PPP4R2: variants seen among roughly 807,000 people sequenced by gnomAD.
PPP4R2 encodes serine/threonine-protein phosphatase 4 regulatory subunit 2.
Under a neutral mutation model 47.2 loss-of-function variants are expected in PPP4R2, and 13 were observed. The observed-to-expected ratio is 0.28, with a 90% CI of 0.18 to 0.44. The LOEUF (loss-of-function observed/expected upper bound fraction) is 0.44. PPP4R2 is among the 20% of genes least tolerant of loss of function. PPP4R2 has a pLI of 1.00. For synonymous variants in PPP4R2, 151 were observed against 163.3 expected, an observed-to-expected ratio of 0.92 and a Z score of 0.57; for missense variants, 421 against 491.2, an observed-to-expected ratio of 0.86 and a Z score of 1.35.
Position 73,067,367 on chromosome 3 carries a change from C to T in PPP4R2, c.*1645C>T, listed in dbSNP as rs1215138583. The T allele has an allele frequency of 6.6e-6, 1 of 152,022 alleles. No homozygotes were observed. Among genetic ancestry groups the T allele is most frequent in the Non-Finnish European group, 1.5e-5 (1 of 67,954 alleles). 9.4% of individuals were successfully genotyped at this position (152,022 alleles called of 1,614,324 possible). ...AGTTTTGCGTTTTGACTACTTAAAT[C>T]ATCATGGCTATAAATACCAAAACGA... On this transcript the variant is annotated 3_prime_UTR_variant, in exon 9 of 9. Transcript: ENST00000356692.
intron 2 of PPP4R2, among the ~76,000 whole-genome samples, chr3:73,018,461 T>TTTATGTTAC: frequency 6.6e-6 from 1 of 151,158 alleles, no homozygotes; most frequent in Non-Finnish European, 1.5e-5. Context: ...ATTTATGTTA[T>TTTATGTTAC]GTTAGTATCC....
intron 5 of PPP4R2, chr3:73,062,517 A>T (rs754826647): frequency 6.2e-7 from 1 of 1,613,890 alleles, no homozygotes; most frequent in Non-Finnish European, 8.5e-7. Context: ...TGTTGGTGTG[A>T]GCAAGAGGTC....
chr3:73,065,869 T>A lies in PPP4R2; in HGVS notation c.*147T>A, dbSNP rs1053255179. The A allele has an allele frequency of 1.2e-5, 7 of 564,070 alleles. No individual in the cohort carries two copies. The highest frequency in any genetic ancestry group is 1.9e-5 in the Non-Finnish European group (6 of 323,182). 34.9% of individuals were successfully genotyped at this position (564,070 alleles called of 1,614,324 possible). On this transcript the variant is annotated 3_prime_UTR_variant, in exon 9 of 9. Coordinates refer to ENST00000356692, the MANE Select transcript of PPP4R2 (RefSeq NM_174907.4). ...ACTTTATGGATAATTCCTGAAAGAG[T>A]TGTACATGTAAGAACTGTGAATATC... is the stretch of plus-strand genomic sequence containing the variant.
chr3:73,042,176 T>G (rs145600353), intron 2 of PPP4R2, among the ~76,000 whole-genome samples: 283 of 152,260 alleles, frequency 1.9e-3, no homozygotes, highest in African/African-American at 6.2e-3. Flanking sequence ...TGTTCTGAAG[T>G]TGAAAATGTG....
chr3:73,013,056 C>G (rs1281596055), intron 2 of PPP4R2, among the ~76,000 whole-genome samples: 1 of 151,948 alleles, frequency 6.6e-6, no homozygotes, highest in East Asian at 1.9e-4. Flanking sequence ...CCTGCTTGTT[C>G]ATAGTAGAGA....
intron 3 of PPP4R2, among the ~76,000 whole-genome samples, chr3:73,052,040 A>G (rs1275312451): frequency 6.6e-6 from 1 of 152,190 alleles, no homozygotes; most frequent in African/African-American, 2.4e-5. Flanking sequence ...AACAAGGCCT[A>G]GAAGAGTGAG....
At chr3:73,057,189 TA>T (rs1256985645) in intron 3 of PPP4R2, among the ~76,000 whole-genome samples, 1 of 151,826 alleles carries the variant, frequency 6.6e-6, no homozygotes, top group African/African-American at 2.4e-5. Context: ...ATTGAGAAAC[TA>T]ATACTGTTTG....
chr3:73,033,065 T>C (rs1575862847), intron 2 of PPP4R2, among the ~76,000 whole-genome samples: 1 of 152,206 alleles, frequency 6.6e-6, no homozygotes, highest in South Asian at 2.1e-4. Context: ...AATTAACTTT[T>C]TGTGTTGGAG....
rs372141528 is a variant in PPP4R2 at position 73,064,996 on chromosome 3, T to G, written c.783T>G (p.Ser261Arg). Residue 261 changes from serine to arginine, a missense_variant, in exon 8 of 9, where the codon AGT (serine) becomes AGG (arginine). Around this residue, in one of 2 missense-constraint regions of PPP4R2, gnomAD observed 317 missense variants for 287.5 expected, o/e 1.10. Coordinates refer to ENST00000356692, the MANE Select transcript of PPP4R2 (RefSeq NM_174907.4). ...AAGGTGAAGTCAGAGAAACAGCCAG[T>G]CAAACGACTTCCAGCGAAATTTCTT... is the stretch of plus-strand genomic sequence containing the variant. ...DKEGEVRETA[S>R]QTTSSEISSV... 20 of 1,613,712 alleles carry G rather than the reference T, an allele frequency of 1.2e-5. No homozygotes were observed. The highest frequency in any genetic ancestry group is 8.5e-6 in the Non-Finnish European group (10 of 1,179,830).
At chr3:73,004,182 C>CT (rs71623998) in intron 2 of PPP4R2, among the ~76,000 whole-genome samples, 139 of 143,418 alleles carry the variant, frequency 9.7e-4, no homozygotes, top group East Asian at 1.8e-3. Flanking sequence ...GCCTTTTATT[C>CT]TTTTTTTTTT....
At chr3:73,020,312 CTG>C in intron 2 of PPP4R2, among the ~76,000 whole-genome samples, 1 of 152,270 alleles carries the variant, frequency 6.6e-6, no homozygotes, top group African/African-American at 2.4e-5. Flanking sequence ...CCTCAGCCTC[CTG>C]AGTAGCTGAG....
intron 2 of PPP4R2, among the ~76,000 whole-genome samples, chr3:73,005,577 G>C (rs547660239): frequency 1.3e-5 from 2 of 151,716 alleles, no homozygotes; most frequent in Non-Finnish European, 2.9e-5. Context: ...GGCCGGGTGC[G>C]GTGGCTCACG....
intron 6 of PPP4R2, 119 bp from the exon 7 acceptor site, chr3:73,063,884 G>C (rs1467165038): frequency 1.1e-5 from 13 of 1,145,980 alleles, no homozygotes; most frequent in Non-Finnish European, 1.3e-6. Context: ...AATTTGGTAA[G>C]GCATGGGCCT....
At chr3:73,016,766 T>C (rs1701844050) in intron 2 of PPP4R2, among the ~76,000 whole-genome samples, 1 of 127,096 alleles carries the variant, frequency 7.9e-6, no homozygotes, top group South Asian at 2.8e-4. Flanking sequence ...ATACAGAGTC[T>C]CACTCTGTCA....
Position 73,065,785 on chromosome 3 carries a change from C to T in PPP4R2, c.*63C>T. On this transcript the variant is annotated 3_prime_UTR_variant, in exon 9 of 9. Coordinates refer to ENST00000356692, the MANE Select transcript of PPP4R2 (RefSeq NM_174907.4). ...GTTCTGGTTTTAACACTGTATAAAACTTTTGTGTAATAAAATGGACCTTTA... is the reference window on the plus strand; with the variant it reads ...GTTCTGGTTTTAACACTGTATAAAATTTTTGTGTAATAAAATGGACCTTTA... 8.8e-7 allele frequency: 1 copy of T among 1,139,274 alleles called. No homozygotes were observed. Among genetic ancestry groups the T allele is most frequent in the Non-Finnish European group, 1.2e-6 (1 of 814,570 alleles). The allele number at this position is 1,139,274 out of a possible 1,614,324, so 70.6% of individuals were successfully genotyped here.
chr3:73,039,747 A>C (rs755290689), intron 2 of PPP4R2, among the ~76,000 whole-genome samples: 1 of 152,150 alleles, frequency 6.6e-6, no homozygotes, highest in Non-Finnish European at 1.5e-5. Flanking sequence ...AAAGAATTCT[A>C]TCCAACTTGA....
chr3:73,062,774 A>G (rs754168109), intron 5 of PPP4R2: 1 of 1,613,782 alleles, frequency 6.2e-7, no homozygotes, highest in African/African-American at 1.3e-5. Flanking sequence ...CTGATCTGCT[A>G]ATCAGCTGCA....
chr3:73,003,965 G>A (rs1258163548), intron 2 of PPP4R2, among the ~76,000 whole-genome samples: 1 of 152,146 alleles, frequency 6.6e-6, no homozygotes, highest in Admixed American at 6.6e-5. Context: ...CTCCCAAAGT[G>A]CTGGGATTAC....
At chr3:73,002,393 A>G (rs1418355518) in intron 2 of PPP4R2, among the ~76,000 whole-genome samples, 11 of 152,060 alleles carry the variant, frequency 7.2e-5, no homozygotes, top group Admixed American at 3.3e-4. Flanking sequence ...TAGGACTTAC[A>G]GATAGGGTAC....
Sources: allele counts gnomAD v4.1 joint callset (sites outside exome capture counted in the v4.1 genomes callset), GRCh38; gene constraint gnomAD v4.1.1; regional missense constraint gnomAD v4.1.1; transcripts MANE v1.5; gene names NCBI Gene and HGNC (gene_info 2026-07-23, HGNC 2026-07-21).